The following SGPP2 variants were observed in gnomAD, a reference collection of about 807,000 sequenced individuals.
SGPP2 encodes the protein sphingosine 1-phosphate phosphohydrolase 2.
Under a neutral mutation model 33.9 loss-of-function variants are expected in SGPP2, and 30 were observed. The observed-to-expected ratio is 0.89, with a 90% confidence interval of 0.66 to 1.20. The LOEUF (loss-of-function observed/expected upper bound fraction) is 1.20, where lower values mean the gene tolerates loss of function less well. Ranked by LOEUF, SGPP2 falls within the 50% of genes most tolerant of loss-of-function variation. The pLI is 0.00. For missense variants in SGPP2, 458 were observed against 532.1 expected (o/e 0.86, Z 1.37); for synonymous variants, 233 against 225.0 (o/e 1.04, Z -0.32).
At chr2:222,522,671 A>T (rs1347285376) in intron 3 of SGPP2, among the ~76,000 whole-genome samples, 1 of 151,794 alleles carries the variant, frequency 6.6e-6, no homozygotes, top group Non-Finnish European at 1.5e-5. Context: ...TGGATGTTTT[A>T]TTTGTTTGTT....
intron 1 of SGPP2, among the ~76,000 whole-genome samples, chr2:222,441,996 T>C (rs1436367796): frequency 6.6e-6 from 1 of 152,216 alleles, no homozygotes; most frequent in Non-Finnish European, 1.5e-5. Context: ...AGTATATCTT[T>C]TCCTGTTCTG....
rs986166346 is a variant in SGPP2, at chr2:222,562,075, T to C, written c.*3177T>C. 6.6e-6 allele frequency among the ~76,000 whole-genome samples: 1 copy of C among 152,180 alleles called. No homozygotes were observed. The highest frequency in any genetic ancestry group is 2.4e-5 in the African/African-American group (1 of 41,448). On this transcript the variant is annotated 3_prime_UTR_variant, in exon 5 of 5. Transcript: ENST00000321276. ...CCTCTCGATCTGGCATCTTGGAGATTAATTTAAAAGGCAAGCTCACCACAA... is the reference window on the plus strand; with the variant it reads ...CCTCTCGATCTGGCATCTTGGAGATCAATTTAAAAGGCAAGCTCACCACAA...
At chr2:222,483,871 G>A (rs1364355064) in intron 2 of SGPP2, among the ~76,000 whole-genome samples, 2 of 152,174 alleles carry the variant, frequency 1.3e-5, no homozygotes, top group African/African-American at 4.8e-5. Flanking sequence ...TGTTAAGTTG[G>A]TTCTTGCTTG....
At chr2:222,424,345 T>C (rs1697023993), upstream of SGPP2, among the ~76,000 whole-genome samples, 1 of 151,916 alleles carries the variant, frequency 6.6e-6, no homozygotes, top group Non-Finnish European at 1.5e-5. Flanking sequence ...TTACAGGCGG[T>C]CCTGCCCCCG....
intron 2 of SGPP2, among the ~76,000 whole-genome samples, chr2:222,483,611 G>A (rs1369006134): frequency 6.6e-6 from 1 of 152,168 alleles, no homozygotes; most frequent in Non-Finnish European, 1.5e-5. Flanking sequence ...TGGTTAAGAG[G>A]TAAACGTTTT....
At chr2:222,520,498 A>G (rs1014258901) in intron 2 of SGPP2, among the ~76,000 whole-genome samples, 1 of 152,188 alleles carries the variant, frequency 6.6e-6, no homozygotes, top group African/African-American at 2.4e-5. Context: ...TGGGAGGCCG[A>G]GGCCGGCAGA....
chr2:222,431,430 C>T (rs1697153795), intron 1 of SGPP2, among the ~76,000 whole-genome samples: 2 of 152,034 alleles, frequency 1.3e-5, no homozygotes, highest in South Asian at 2.1e-4. Context: ...TGCTTGAACC[C>T]GGGAGTTAGA....
At chr2:222,556,825 A>C (rs1163427806) in intron 4 of SGPP2, among the ~76,000 whole-genome samples, 1 of 5,288 alleles carries the variant, frequency 1.9e-4, no homozygotes. Context: ...CTCCCCATCC[A>C]CCCTCACTCC....
At position 222,559,397 on chromosome 2, in the gene SGPP2, G is replaced by C. The variant is rs1361840359; in HGVS notation, c.*499G>C. On this transcript the variant is annotated 3_prime_UTR_variant, in exon 5 of 5. Coordinates refer to ENST00000321276, the MANE Select transcript of SGPP2 (RefSeq NM_152386.4). ...AATGGGAACTTTGGTCTAGGAGAAG[G>C]GGTGGCACCATATGAAACGGCATTC... 6.2e-6 allele frequency: 1 copy of C among 160,872 alleles called. No homozygotes were observed. Among genetic ancestry groups the C allele is most frequent in the Non-Finnish European group, 1.4e-5 (1 of 72,564 alleles). 10.0% of individuals were successfully genotyped at this position (160,872 alleles called of 1,614,324 possible). A position where few individuals can be genotyped will look rare whatever the true frequency, so the allele number is the denominator to read the frequency against.
At chr2:222,547,653 C>A (rs1015396106) in intron 4 of SGPP2, among the ~76,000 whole-genome samples, 7 of 151,956 alleles carry the variant, frequency 4.6e-5, no homozygotes, top group East Asian at 1.9e-4. Flanking sequence ...AAACATAATA[C>A]CTGCCTTACT....
At chr2:222,463,737 T>C (rs1230171148) in intron 1 of SGPP2, among the ~76,000 whole-genome samples, 1 of 152,214 alleles carries the variant, frequency 6.6e-6, no homozygotes, top group Non-Finnish European at 1.5e-5. Context: ...GGTGACAAAT[T>C]TGTCAGACTT....
At chr2:222,500,441 T>C (rs1196245032) in intron 2 of SGPP2, among the ~76,000 whole-genome samples, 2 of 152,182 alleles carry the variant, frequency 1.3e-5, no homozygotes, top group Admixed American at 6.5e-5. Flanking sequence ...TTTAAGAAGA[T>C]AGTGCACTCA....
chr2:222,522,988 G>A (rs1435458370), intron 3 of SGPP2, among the ~76,000 whole-genome samples: 1 of 152,204 alleles, frequency 6.6e-6, no homozygotes, highest in Non-Finnish European at 1.5e-5. Flanking sequence ...CAGCCCCACT[G>A]GAAGTTTTAG....
chr2:222,434,973 T>TACACACACACAC (rs1205339986), intron 1 of SGPP2, among the ~76,000 whole-genome samples: 1 of 17,902 alleles, frequency 5.6e-5, no homozygotes, highest in Non-Finnish European at 1.2e-4. Context: ...AATGGAGATA[T>TACACACACACAC]ATACACACAC....
chr2:222,502,708 G>C (rs374210076), intron 2 of SGPP2, among the ~76,000 whole-genome samples: 1 of 152,134 alleles, frequency 6.6e-6, no homozygotes, highest in Non-Finnish European at 1.5e-5. Context: ...GTGATGGTTT[G>C]GATAAAGGCA....
In SGPP2 at chr2:222,424,830, G is replaced by A; in HGVS notation, c.219+9G>A. ...GAGCCGCGGCGCCGGAGGTAACCAT[G>A]GGCAGGTGTTCGCCGGGTACGGGGA... On this transcript the variant is annotated intron_variant, in intron 1 of 4. Transcript: ENST00000321276. 12 of 1,347,126 alleles carry A rather than the reference G, an allele frequency of 8.9e-6. No homozygotes were observed. The highest frequency in any genetic ancestry group is 1.1e-5 in the Non-Finnish European group (12 of 1,051,956). 83.4% of individuals were successfully genotyped at this position (1,347,126 alleles called of 1,614,324 possible). A position where few individuals can be genotyped will look rare whatever the true frequency, so the allele number is the denominator to read the frequency against.
intron 2 of SGPP2, among the ~76,000 whole-genome samples, chr2:222,516,312 A>T (rs1423800996): frequency 6.6e-6 from 1 of 152,172 alleles, no homozygotes; most frequent in African/African-American, 2.4e-5. Context: ...TTCATTCAGC[A>T]TAATTATTTT....
chr2:222,499,653 G>GA (rs1359129961), intron 2 of SGPP2, among the ~76,000 whole-genome samples: 1 of 152,144 alleles, frequency 6.6e-6, no homozygotes, highest in Non-Finnish European at 1.5e-5. Flanking sequence ...GGCATTGGGG[G>GA]AAAGACAGTC....
At chr2:222,469,191 C>CT (rs1055375602) in intron 1 of SGPP2, among the ~76,000 whole-genome samples, 23 of 150,186 alleles carry the variant, frequency 1.5e-4, no homozygotes, top group East Asian at 3.9e-4. Context: ...CATTTTATTT[C>CT]TTTTTTTTTT....
Sources: gnomAD v4.1 joint callset for allele counts (sites outside exome capture counted in the v4.1 genomes callset) on GRCh38, gnomAD v4.1.1 for gene constraint, MANE v1.5 for transcripts, NCBI Gene and HGNC (gene_info 2026-07-23, HGNC 2026-07-21) for gene names.